The following EYS variants were observed in gnomAD, a reference collection of about 807,000 sequenced individuals.
EYS encodes protein eyes shut homolog.
In EYS, 250 loss-of-function variants were observed where a neutral mutation model predicts 282.1. That is an observed-to-expected ratio of 0.89 (90% CI 0.80 to 0.98). The LOEUF is 0.98. EYS is among the 50% of genes least tolerant of loss of function. The pLI is 0.00. For missense variants in EYS, 4,016 were observed against 3,709.0 expected (o/e 1.08, Z -2.15); for synonymous variants, 1,355 against 1,282.9 (o/e 1.06, Z -1.20).
At chr6:64,302,190 GC>G (rs1769260809) in intron 30 of EYS, among the ~76,000 whole-genome samples, 1 of 152,090 alleles carries the variant, frequency 6.6e-6, no homozygotes, top group Non-Finnish European at 1.5e-5. Context: ...GCTTGACCAA[GC>G]CACCCAATCA....
intron 8 of EYS, among the ~76,000 whole-genome samples, chr6:65,377,941 C>A (rs941453711): frequency 6.6e-6 from 1 of 152,088 alleles, no homozygotes; most frequent in Non-Finnish European, 1.5e-5. Context: ...AAGCCAAGGA[C>A]CAGACGAATT....
At chr6:63,890,387 TAACA>T (rs1370371542) in intron 35 of EYS, among the ~76,000 whole-genome samples, 2 of 152,146 alleles carry the variant, frequency 1.3e-5, no homozygotes, top group African/African-American at 2.4e-5. Context: ...ATGGAAATAA[TAACA>T]AACAGTCTTT....
intron 30 of EYS, among the ~76,000 whole-genome samples, chr6:64,273,708 G>T (rs948936209): frequency 3.3e-5 from 5 of 151,594 alleles, no homozygotes; most frequent in African/African-American, 1.2e-4. Flanking sequence ...TCTTAATCTA[G>T]CTGGGTAGGC....
chr6:65,400,822 AT>A (rs893027381), intron 7 of EYS, among the ~76,000 whole-genome samples: 3 of 151,658 alleles, frequency 2.0e-5, no homozygotes, highest in African/African-American at 4.8e-5. Context: ...ACCTTGACAC[AT>A]TTTTTTTCTC....
intron 41 of EYS, among the ~76,000 whole-genome samples, chr6:63,728,783 C>A (rs181864508): frequency 6.6e-6 from 1 of 152,212 alleles, no homozygotes; most frequent in Admixed American, 6.5e-5. Context: ...TTTGCCTTTT[C>A]CAGTATATCA....
intron 31 of EYS, among the ~76,000 whole-genome samples, chr6:64,179,055 C>T (rs909839141): frequency 2.7e-4 from 41 of 152,136 alleles, no homozygotes; most frequent in East Asian, 3.9e-4. Context: ...GCCTCCGGAA[C>T]ACTATATTGA....
At chr6:65,060,611 T>G (rs555603483) in intron 12 of EYS, among the ~76,000 whole-genome samples, 1 of 152,022 alleles carries the variant, frequency 6.6e-6, no homozygotes, top group African/African-American at 2.4e-5. Context: ...TGATTTTGCC[T>G]GGGAATACCT....
At position 63,963,972 on chromosome 6, in the gene EYS, A is replaced by G. The variant is rs959018533; in HGVS notation, c.7055+20411T>C. Among the ~76,000 whole-genome samples the G allele has an allele frequency of 2.0e-5, 3 of 152,328 alleles. No homozygotes were observed. In the South Asian group the frequency reaches 6.2e-4, roughly 32 times the overall value. On this transcript the variant is annotated intron_variant, in intron 35 of 42. Coordinates refer to ENST00000503581, the MANE Select transcript of EYS (RefSeq NM_001142800.2). ...TTCCATCTGTAGGTGGCAGTAAGTTATTAATGTTTTTGTTACTCTGCCCAG... is the reference window on the plus strand; with the variant it reads ...TTCCATCTGTAGGTGGCAGTAAGTTGTTAATGTTTTTGTTACTCTGCCCAG...
chr6:65,542,233 C>G (rs943602306), intron 2 of EYS, among the ~76,000 whole-genome samples: 9 of 151,814 alleles, frequency 5.9e-5, no homozygotes, highest in African/African-American at 2.2e-4. Context: ...AAATACATTA[C>G]AAAAAATATT....
intron 22 of EYS, among the ~76,000 whole-genome samples, chr6:64,676,322 ATATATATC>A (rs1189960666): frequency 1.8e-4 from 27 of 146,176 alleles, no homozygotes; most frequent in Non-Finnish European, 3.5e-4. Flanking sequence ...ATATCTATAT[ATATATATC>A]TATATATCTA....
At chr6:64,497,671 G>T (rs374630175) in intron 26 of EYS, among the ~76,000 whole-genome samples, 1 of 152,130 alleles carries the variant, frequency 6.6e-6, no homozygotes, top group South Asian at 2.1e-4. Context: ...ACAGACTCAC[G>T]GGCAAACCAG....
intron 26 of EYS, among the ~76,000 whole-genome samples, chr6:64,553,551 C>CT (rs1554177824): frequency 7.7e-6 from 1 of 129,304 alleles, no homozygotes; most frequent in Non-Finnish European, 1.7e-5. Flanking sequence ...TTTGACCCCC[C>CT]CCCCCCCATA....
rs1291074354 is a variant in EYS at position 64,395,548 on chromosome 6, C to T, written c.5928-6708G>A. Among the ~76,000 whole-genome samples, 3 of 150,610 alleles carry T rather than the reference C, an allele frequency of 2.0e-5. No homozygotes were observed. The East Asian group carries it at 5.9e-4, about 30-fold the overall frequency. On this transcript the variant is annotated intron_variant, in intron 28 of 42. Transcript: ENST00000503581. The stretch of plus-strand genomic sequence containing the variant: ...ATCGCAAGAACAAAAAACCAAACAC[C>T]GCATATTCTCACTCATAGGTGGGAA...
At chr6:65,160,516 T>G (rs1252086872) in intron 12 of EYS, among the ~76,000 whole-genome samples, 1 of 150,856 alleles carries the variant, frequency 6.6e-6, no homozygotes, top group Admixed American at 6.6e-5. Flanking sequence ...GGCACTTATC[T>G]TTTGTTTGAC....
intron 22 of EYS, among the ~76,000 whole-genome samples, chr6:64,652,768 G>A (rs989297390): frequency 6.6e-5 from 10 of 150,960 alleles, no homozygotes; most frequent in South Asian, 2.1e-4. Flanking sequence ...TACATGTAGC[G>A]ATAAAGAACA....
Position 64,190,053 on chromosome 6 carries a change from T to C in EYS, c.6424+40539A>G, listed in dbSNP as rs184835721. ...TATTGCTAGCTACGTAACAATAGCATCAACAAGATAAACTTTCTATTCTGG... is the reference window on the plus strand; with the variant it reads ...TATTGCTAGCTACGTAACAATAGCACCAACAAGATAAACTTTCTATTCTGG... On this transcript the variant is annotated intron_variant, in intron 31 of 42. Coordinates refer to ENST00000503581, the MANE Select transcript of EYS (RefSeq NM_001142800.2). 3.5e-3 allele frequency among the ~76,000 whole-genome samples: 536 copies of C among 152,294 alleles called. 4 individuals carry two copies. Among genetic ancestry groups the C allele is most frequent in the Admixed American group, 6.8e-3 (104 of 15,290 alleles).
At chr6:64,395,534 A>T (rs1773332697) in intron 28 of EYS, among the ~76,000 whole-genome samples, 1 of 151,856 alleles carries the variant, frequency 6.6e-6, no homozygotes, top group Non-Finnish European at 1.5e-5. Context: ...TCGCAAGAAC[A>T]AAAAACCAAA....
intron 2 of EYS, among the ~76,000 whole-genome samples, chr6:65,596,794 TG>T (rs1765424367): frequency 6.6e-6 from 1 of 152,116 alleles, no homozygotes; most frequent in African/African-American, 2.4e-5. Context: ...AAAATTGATT[TG>T]GATAACAAAG....
chr6:63,811,954 G>A (rs1279335105), intron 36 of EYS, among the ~76,000 whole-genome samples: 1 of 152,120 alleles, frequency 6.6e-6, no homozygotes, highest in African/African-American at 2.4e-5. Context: ...TACCATCAAC[G>A]TTCAATGCAC....
Sources: allele counts gnomAD v4.1 joint callset (sites outside exome capture counted in the v4.1 genomes callset), GRCh38; gene constraint gnomAD v4.1.1; transcripts MANE v1.5; gene names NCBI Gene and HGNC (gene_info 2026-07-23, HGNC 2026-07-21).